The following MMP28 variants were observed in gnomAD, a reference collection of about 807,000 sequenced individuals.
MMP28 encodes the protein matrix metalloproteinase-28.
Under a neutral mutation model 60.5 loss-of-function variants are expected in MMP28, and 55 were observed. The observed-to-expected ratio is 0.91, with a 90% CI of 0.73 to 1.14. The LOEUF (loss-of-function observed/expected upper bound fraction) is 1.14. MMP28 is among the 50% of genes most tolerant of loss of function. MMP28 has a pLI of 0.00. For synonymous variants in MMP28, 318 were observed against 312.5 expected (o/e 1.02, Z -0.18); for missense variants, 686 against 738.3 (o/e 0.93, Z 0.82).
intron 5 of MMP28, among the ~76,000 whole-genome samples, chr17:35,769,301 A>G (rs1328533727): frequency 1.3e-5 from 2 of 152,196 alleles, no homozygotes; most frequent in Non-Finnish European, 2.9e-5. Context: ...TACAGGGTAT[A>G]AGTTTCTCAG....
chr17:35,764,151 C>A (rs1339406708), downstream of MMP28: 10 of 1,549,088 alleles, frequency 6.5e-6, no homozygotes, highest in Admixed American at 2.0e-5. Context: ...GGCGAGGAGC[C>A]GCCGCGGGTA....
intron 1 of MMP28, among the ~76,000 whole-genome samples, chr17:35,781,220 T>C (rs893500459): frequency 6.6e-6 from 1 of 152,116 alleles, no homozygotes; most frequent in Admixed American, 6.5e-5. Flanking sequence ...TGCTGATGGA[T>C]TAATTGGTGG....
In MMP28 at chr17:35,787,722, C is replaced by G. The variant is rs1296756948; in HGVS notation, c.111+7545G>C. On this transcript the variant is annotated intron_variant, in intron 1 of 7. Transcript: ENST00000605424. ...CAGGCTGGTCTCAAACTCCTGACCT[C>G]AAGTGATCCACCTAACTTGGCCTCC... is the stretch of plus-strand genomic sequence containing the variant. 3.9e-5 allele frequency among the ~76,000 whole-genome samples: 6 copies of G among 152,232 alleles called. No individual in the cohort carries two copies. The East Asian group carries it at 1.2e-3, about 29-fold the overall frequency.
At chr17:35,768,804 C>G (rs566450298) in intron 5 of MMP28, among the ~76,000 whole-genome samples, 37 of 151,878 alleles carry the variant, frequency 2.4e-4, no homozygotes, top group African/African-American at 8.2e-4. Flanking sequence ...AGCGAGACTC[C>G]GTCTCAAAAA....
chr17:35,788,293 A>T (rs2086713165), intron 1 of MMP28, among the ~76,000 whole-genome samples: 1 of 152,116 alleles, frequency 6.6e-6, no homozygotes, highest in African/African-American at 2.4e-5. Flanking sequence ...CTCTTTCTCT[A>T]ATGCCAAATA....
intron 1 of MMP28, among the ~76,000 whole-genome samples, chr17:35,793,136 A>T (rs1289439925): frequency 6.6e-6 from 1 of 152,182 alleles, no homozygotes; most frequent in African/African-American, 2.4e-5. Context: ...ACATTTCCAG[A>T]GTTTTTATGC....
Position 35,766,541 on chromosome 17 carries a change from T to A in MMP28, c.1522A>T (p.Met508Leu). 6.2e-7 allele frequency: 1 copy of A among 1,608,814 alleles called. No homozygotes were observed. The highest frequency in any genetic ancestry group is 1.1e-5 in the South Asian group (1 of 90,624). ...CCCGAGTTGGCATGCCAGCAGCCCA[T>A]CCAGGGCAGCTCGGTGGCCCAGCGG... ...SGRWATELPW[M>L]GCWHANSGSA... is the part of the protein sequence containing the mutation. Residue 508 changes from methionine to leucine, a missense_variant, in exon 8 of 8, where the codon ATG (methionine) becomes TTG (leucine). Met to Leu is a conservative substitution (Grantham distance 15). Coordinates refer to ENST00000605424, the MANE Select transcript of MMP28 (RefSeq NM_024302.5). This position sits in a 1 kb window ranked among gnomAD's most constrained non-coding sequence, Gnocchi z 4.3.
At chr17:35,783,760 C>G (rs953728527) in intron 1 of MMP28, among the ~76,000 whole-genome samples, 15 of 149,410 alleles carry the variant, frequency 1.0e-4, no homozygotes, top group Non-Finnish European at 1.9e-4. Flanking sequence ...GCAGGCAAGA[C>G]GGGGTGGAGG....
chr17:35,768,483 G>A (rs1555604372), intron 5 of MMP28, 104 bp from the exon 6 acceptor site: 1 of 959,008 alleles, frequency 1.0e-6, no homozygotes, highest in African/African-American at 1.6e-5. Flanking sequence ...TATCTAATAT[G>A]AGGGGCAAGG....
At chr17:35,756,546 T>C (rs1200656594) in intron 2 of MMP28, 4 of 466,116 alleles carry the variant, frequency 8.6e-6, no homozygotes, top group Non-Finnish European at 1.1e-5. Context: ...TCTTGGCTCA[T>C]TGCAACCTCT....
At chr17:35,763,913 T>A, downstream of MMP28, 1 of 897,008 alleles carries the variant, frequency 1.1e-6, no homozygotes, top group Non-Finnish European at 1.5e-6. Context: ...AATAAATAAA[T>A]AAATAAATAA....
At chr17:35,760,013 C>G (rs1192717029) in intron 2 of MMP28, among the ~76,000 whole-genome samples, 1 of 152,162 alleles carries the variant, frequency 6.6e-6, no homozygotes, top group African/African-American at 2.4e-5. Flanking sequence ...CTTGTGACTA[C>G]GAGATTCCTG....
Position 35,790,120 on chromosome 17 carries a change from G to A in MMP28, c.111+5147C>T, listed in dbSNP as rs577927198. On this transcript the variant is annotated intron_variant, in intron 1 of 7. Transcript: ENST00000605424. ...CTCGCTCTGTTGCCCAGGCTGAAGT[G>A]CAACTGCGTGATCTCGGCTCACTGC... 2.4e-4 allele frequency among the ~76,000 whole-genome samples: 32 copies of A among 135,722 alleles called. No homozygotes were observed. The South Asian group carries it at 3.9e-3, about 16-fold the overall frequency. The allele number at this position is 135,722 out of a possible 152,430, so 89.0% of individuals were successfully genotyped here. A position where few individuals can be genotyped will look rare whatever the true frequency, so the allele number is the denominator to read the frequency against.
At chr17:35,788,919 G>A (rs1456944358) in intron 1 of MMP28, among the ~76,000 whole-genome samples, 2 of 152,184 alleles carry the variant, frequency 1.3e-5, no homozygotes, top group East Asian at 3.8e-4. Flanking sequence ...GATGTCATCT[G>A]TTAATTCTCA....
chr17:35,764,654 T>C (rs1016537636), downstream of MMP28: 2 of 1,534,508 alleles, frequency 1.3e-6, no homozygotes, highest in Non-Finnish European at 1.7e-6. Flanking sequence ...CCTCCATCAT[T>C]TCCTGGCCCC....
chr17:35,765,853 A>G (rs1014808261), downstream of MMP28: 23 of 985,306 alleles, frequency 2.3e-5, no homozygotes, highest in Non-Finnish European at 2.8e-5. Flanking sequence ...GAACTGCTCC[A>G]AGGAAGGCTG....
chr17:35,763,122 C>CAA (rs56180495), downstream of MMP28, among the ~76,000 whole-genome samples: 9 of 103,140 alleles, frequency 8.7e-5, no homozygotes, highest in Admixed American at 1.0e-4. Flanking sequence ...ACTCCGTCTC[C>CAA]AAAAAAAAAA....
exon 3 of MMP28, chr17:35,756,278 C>T (rs2085736933): frequency 4.7e-6 from 2 of 427,136 alleles, no homozygotes; most frequent in Non-Finnish European, 6.2e-6. Context: ...ATTTCCCTCT[C>T]TTAGAGACAG....
At chr17:35,768,198 A>G in intron 6 of MMP28, 32 bp downstream of exon 6, 1 of 1,568,914 alleles carries the variant, frequency 6.4e-7, no homozygotes, top group East Asian at 2.3e-5. Flanking sequence ...GGAAGGAGAG[A>G]AAGAAGCAAA....
Sources: allele counts gnomAD v4.1 joint callset (sites outside exome capture counted in the v4.1 genomes callset), GRCh38; gene constraint gnomAD v4.1.1; non-coding constraint Gnocchi (gnomAD v3.1); transcripts MANE v1.5; gene names NCBI Gene and HGNC (gene_info 2026-07-23, HGNC 2026-07-21).